RNF130: variants seen among roughly 807,000 people sequenced by gnomAD.
RNF130 encodes ring finger protein 130.
In RNF130, 21 loss-of-function variants were observed where a neutral mutation model predicts 44.6. The observed-to-expected ratio is 0.47, with a 90% CI of 0.33 to 0.68. The LOEUF is 0.68. Ranked by LOEUF, RNF130 falls within the 30% of genes least tolerant of loss-of-function variation. The pLI is 0.02. For missense variants in RNF130, 479 were observed against 560.6 expected (o/e 0.85, Z 1.47); for synonymous variants, 214 against 210.4 (o/e 1.02, Z -0.15).
chr5:180,049,509 A>G (rs1764641591), intron 1 of RNF130, among the ~76,000 whole-genome samples: 1 of 152,240 alleles, frequency 6.6e-6, no homozygotes, highest in African/African-American at 2.4e-5. Context: ...AAATACTGAT[A>G]AGGTGATTAG....
chr5:179,912,802 C>T (rs892210164), exon 8 of RNF130: 1 of 152,274 alleles, frequency 6.6e-6, no homozygotes, highest in African/African-American at 2.4e-5. Flanking sequence ...TTTAATATCA[C>T]ATAGTGTAAA....
At chr5:180,026,090 C>A (rs1763978041) in intron 2 of RNF130, among the ~76,000 whole-genome samples, 1 of 150,682 alleles carries the variant, frequency 6.6e-6, no homozygotes, top group Non-Finnish European at 1.5e-5. Flanking sequence ...AGGTGAAGAG[C>A]CATTCAACTA....
chr5:179,958,078 T>C (rs1042409080), intron 8 of RNF130, among the ~76,000 whole-genome samples: 4 of 152,028 alleles, frequency 2.6e-5, no homozygotes, highest in African/African-American at 9.7e-5. Context: ...GGGGTTTCAC[T>C]GTTTTAGCCG....
chr5:179,976,226 A>C (rs1762713305), intron 5 of RNF130, among the ~76,000 whole-genome samples: 1 of 152,244 alleles, frequency 6.6e-6, no homozygotes, highest in Non-Finnish European at 1.5e-5. Context: ...CACTGAAGGG[A>C]TGAAGATAAT....
intron 3 of RNF130, among the ~76,000 whole-genome samples, chr5:179,998,119 G>C (rs142218755): frequency 5.9e-5 from 9 of 152,348 alleles, no homozygotes; most frequent in Non-Finnish European, 7.3e-5. Flanking sequence ...GATTAGAGGC[G>C]TGAGCCACTG....
At chr5:180,007,988 GTTTTT>G (rs371751598) in intron 3 of RNF130, among the ~76,000 whole-genome samples, 15 of 129,890 alleles carry the variant, frequency 1.2e-4, no homozygotes, top group African/African-American at 1.7e-4. Flanking sequence ...AAATCTTTTA[GTTTTT>G]TTTTTTTTTT....
intron 3 of RNF130, among the ~76,000 whole-genome samples, chr5:180,008,754 T>C (rs1763518660): frequency 6.6e-6 from 1 of 151,982 alleles, no homozygotes; most frequent in Non-Finnish European, 1.5e-5. Context: ...CACGGTGGCA[T>C]GCGCCTGTAA....
At chr5:180,050,895 C>T (rs908146284) in intron 1 of RNF130, among the ~76,000 whole-genome samples, 2 of 152,150 alleles carry the variant, frequency 1.3e-5, no homozygotes, top group African/African-American at 4.8e-5. Context: ...GCTCAACTTC[C>T]TGGGCTCAAG....
exon 8 of RNF130, chr5:179,912,979 G>C (rs1035056095): frequency 1.3e-5 from 2 of 152,400 alleles, no homozygotes; most frequent in African/African-American, 4.8e-5. Context: ...CCGCGGATGG[G>C]TGGGGAACTG....
chr5:180,065,167 C>T (rs1266995056), intron 1 of RNF130, among the ~76,000 whole-genome samples: 13 of 152,022 alleles, frequency 8.6e-5, no homozygotes, highest in Non-Finnish European at 2.9e-5. Flanking sequence ...AAGACCTACT[C>T]GTTCCTGGTT....
intron 3 of RNF130, among the ~76,000 whole-genome samples, 154 bp downstream of exon 3, chr5:180,012,907 A>C (rs1254763638): frequency 6.6e-6 from 1 of 152,228 alleles, no homozygotes; most frequent in Non-Finnish European, 1.5e-5. Flanking sequence ...TATCCCTTAA[A>C]TACTCATGTA....
intron 8 of RNF130, among the ~76,000 whole-genome samples, chr5:179,956,782 T>G (rs771048341): frequency 6.6e-6 from 1 of 152,204 alleles, no homozygotes; most frequent in African/African-American, 2.4e-5. Context: ...TCCAGCCACA[T>G]CAGTACGCAC....
At chr5:179,996,211 G>A (rs1255050774) in intron 3 of RNF130, among the ~76,000 whole-genome samples, 3 of 151,946 alleles carry the variant, frequency 2.0e-5, no homozygotes, top group Middle Eastern at 3.2e-3. Context: ...TTCTTTTTTG[G>A]TGGCTATTGT....
intron 3 of RNF130, among the ~76,000 whole-genome samples, chr5:180,001,893 T>TAG (rs908988565): frequency 4.6e-5 from 7 of 152,158 alleles, no homozygotes; most frequent in Non-Finnish European, 8.8e-5. Context: ...CTACGGCCTG[T>TAG]AAGGGCAAGG....
At chr5:179,975,475 G>C (rs1762698146) in intron 5 of RNF130, among the ~76,000 whole-genome samples, 1 of 152,232 alleles carries the variant, frequency 6.6e-6, no homozygotes, top group African/African-American at 2.4e-5. Flanking sequence ...TGCTGCTCTA[G>C]CTTAAAGACT....
chr5:179,990,710 A>C (rs908345086), intron 3 of RNF130, among the ~76,000 whole-genome samples: 1 of 152,174 alleles, frequency 6.6e-6, no homozygotes, highest in African/African-American at 2.4e-5. Context: ...TTACCGCTAG[A>C]CCAAGGAGCC....
At chr5:179,919,776 A>G (rs1339039168) in exon 8 of RNF130, 1 of 152,618 alleles carries the variant, frequency 6.6e-6, no homozygotes, top group Non-Finnish European at 1.5e-5. Flanking sequence ...AGAGTCTCAG[A>G]GGAGATACAA....
At chr5:179,951,828 G>A (rs1762131014), downstream of RNF130, among the ~76,000 whole-genome samples, 1 of 151,898 alleles carries the variant, frequency 6.6e-6, no homozygotes, top group Admixed American at 6.6e-5. Flanking sequence ...TAACCAATGG[G>A]CCAAAGAAGA....
chr5:180,012,330 C>T (rs2113083538), intron 3 of RNF130, among the ~76,000 whole-genome samples: 1 of 152,312 alleles, frequency 6.6e-6, no homozygotes, highest in East Asian at 1.9e-4. Flanking sequence ...CAAGTCACTT[C>T]TTAGTTTTCT....
Sources: allele counts gnomAD v4.1 joint callset (sites outside exome capture counted in the v4.1 genomes callset), GRCh38; gene constraint gnomAD v4.1.1; transcripts MANE v1.5; gene names NCBI Gene and HGNC (gene_info 2026-07-23, HGNC 2026-07-21).